The following DPYD variants were observed in gnomAD, a reference collection of about 807,000 sequenced individuals.
DPYD encodes dihydropyrimidine dehydrogenase, also known as dihydropyrimidine dehydrogenase [NADP(+)].
DPYD carries 109 observed loss-of-function variants against 116.2 expected under a neutral mutation model. That is an observed-to-expected ratio of 0.94 (90% CI 0.80 to 1.10). DPYD has a LOEUF of 1.10. Ranked by LOEUF, DPYD falls within the 50% of genes least tolerant of loss-of-function variation. The probability of loss-of-function intolerance (pLI) is 0.00; values close to 1 mark genes in which losing one functional copy is unlikely to be tolerated. For synonymous variants in DPYD, 440 were observed against 432.0 expected (o/e 1.02, Z -0.23); for missense variants, 1,302 against 1,254.5 (o/e 1.04, Z -0.57).
At chr1:97,361,930 C>T (rs913853516) in intron 16 of DPYD, among the ~76,000 whole-genome samples, 1 of 152,200 alleles carries the variant, frequency 6.6e-6, no homozygotes, top group Non-Finnish European at 1.5e-5. Flanking sequence ...TCCTATTACA[C>T]ATAGTGTTGG....
At chr1:97,555,483 C>T (rs545144166) in intron 11 of DPYD, among the ~76,000 whole-genome samples, 20 of 152,108 alleles carry the variant, frequency 1.3e-4, no homozygotes, top group Non-Finnish European at 1.9e-4. Flanking sequence ...TCCCCTGGGC[C>T]TTCCCACCTC....
intron 18 of DPYD, among the ~76,000 whole-genome samples, chr1:97,242,996 C>T (rs778618579): frequency 7.2e-5 from 11 of 151,738 alleles, no homozygotes; most frequent in Non-Finnish European, 1.0e-4. Flanking sequence ...TCAGCATACA[C>T]GATTGGTTTT....
intron 12 of DPYD, among the ~76,000 whole-genome samples, chr1:97,524,808 TCTC>T (rs1448661114): frequency 2.0e-5 from 3 of 152,210 alleles, no homozygotes; most frequent in Non-Finnish European, 4.4e-5. Flanking sequence ...AACTCAGACC[TCTC>T]CTCTGATTAG....
intron 2 of DPYD, among the ~76,000 whole-genome samples, chr1:97,847,168 T>C (rs900941967): frequency 6.6e-6 from 1 of 152,198 alleles, no homozygotes; most frequent in Non-Finnish European, 1.5e-5. Flanking sequence ...TTCCTCAAAA[T>C]AACTGTCTTT....
At chr1:97,808,387 T>G (rs757211570) in intron 3 of DPYD, among the ~76,000 whole-genome samples, 5 of 152,184 alleles carry the variant, frequency 3.3e-5, no homozygotes, top group Non-Finnish European at 7.3e-5. Context: ...TGATATTATC[T>G]TTTAAATTTC....
chr1:97,113,149 C>A (rs942969007), intron 20 of DPYD, among the ~76,000 whole-genome samples: 2 of 152,088 alleles, frequency 1.3e-5, no homozygotes, highest in African/African-American at 4.8e-5. Context: ...TGCATATACA[C>A]ACATATACAT....
intron 16 of DPYD, among the ~76,000 whole-genome samples, chr1:97,370,166 T>C (rs948876107): frequency 6.6e-6 from 1 of 152,140 alleles, no homozygotes; most frequent in African/African-American, 2.4e-5. Context: ...TCAAATGGTA[T>C]TTCTGGTTCT....
Position 97,323,822 on chromosome 1 carries a change from C to T in DPYD, c.2059-17525G>A, listed in dbSNP as rs114021442. ...TATATTTTGGCTGTCTGAAATTTGA[C>T]TTCCCTTCCTATTTGCAGGAAATTT... On this transcript the variant is annotated intron_variant, in intron 16 of 22. Transcript: ENST00000370192. Among the ~76,000 whole-genome samples, 1,153 of 151,392 alleles carry T rather than the reference C, an allele frequency of 7.6e-3. 17 individuals carry two copies. Among genetic ancestry groups the T allele is most frequent in the African/African-American group, 0.026 (1,078 of 41,280 alleles).
chr1:97,482,711 G>T (rs1436478322), intron 13 of DPYD, among the ~76,000 whole-genome samples: 2 of 152,108 alleles, frequency 1.3e-5, no homozygotes, highest in Non-Finnish European at 2.9e-5. Context: ...GTTGATTGTG[G>T]ATACTGAGAA....
At chr1:97,633,266 G>T (rs531110430) in intron 8 of DPYD, among the ~76,000 whole-genome samples, 1 of 151,976 alleles carries the variant, frequency 6.6e-6, no homozygotes. Flanking sequence ...TTTGGACCAC[G>T]AAATGAGACA....
chr1:97,850,011 T>C (rs1670495331), intron 2 of DPYD, among the ~76,000 whole-genome samples: 1 of 152,256 alleles, frequency 6.6e-6, no homozygotes, highest in Admixed American at 6.5e-5. Flanking sequence ...CATTATGGCA[T>C]GCTAATAATC....
At chr1:97,166,161 A>G (rs1244794106) in intron 20 of DPYD, among the ~76,000 whole-genome samples, 1 of 152,216 alleles carries the variant, frequency 6.6e-6, no homozygotes, top group Non-Finnish European at 1.5e-5. Context: ...ACTATTTACA[A>G]TAGCAAAGTC....
chr1:97,525,780 G>GAGAGAGAGAGAGAGAA (rs1649012977), intron 12 of DPYD, among the ~76,000 whole-genome samples: 2 of 150,702 alleles, frequency 1.3e-5, no homozygotes, highest in African/African-American at 2.4e-5. Context: ...GAGAGAGAGA[G>GAGAGAGAGAGAGAGAA]AGAGAGAGAG....
intron 4 of DPYD, among the ~76,000 whole-genome samples, chr1:97,727,484 T>G (rs1167269324): frequency 2.0e-5 from 3 of 151,558 alleles, no homozygotes; most frequent in Non-Finnish European, 3.0e-5. Flanking sequence ...AGAAACTAAC[T>G]AAGAAAAATA....
intron 14 of DPYD, among the ~76,000 whole-genome samples, chr1:97,446,180 T>C (rs1676077281): frequency 6.6e-6 from 1 of 152,136 alleles, no homozygotes; most frequent in African/African-American, 2.4e-5. Flanking sequence ...AAAATTTGAG[T>C]AGTTATTAGA....
At chr1:97,449,083 CAT>C (rs1676252090) in intron 14 of DPYD, among the ~76,000 whole-genome samples, 1 of 151,936 alleles carries the variant, frequency 6.6e-6, no homozygotes, top group Non-Finnish European at 1.5e-5. Context: ...GCAAGGCAAT[CAT>C]GTGATTTCTA....
At chr1:97,577,195 T>A (rs1653320446) in intron 10 of DPYD, among the ~76,000 whole-genome samples, 1 of 152,190 alleles carries the variant, frequency 6.6e-6, no homozygotes, top group African/African-American at 2.4e-5. Context: ...CAGTCACCCT[T>A]GACACACATA....
intron 13 of DPYD, among the ~76,000 whole-genome samples, chr1:97,483,212 T>C (rs760360346): frequency 6.6e-6 from 1 of 152,220 alleles, no homozygotes; most frequent in Admixed American, 6.5e-5. Context: ...GTATACTGCA[T>C]ACCTCTTAGC....
At chr1:97,225,788 C>A (rs751795443) in intron 19 of DPYD, among the ~76,000 whole-genome samples, 1 of 151,918 alleles carries the variant, frequency 6.6e-6, no homozygotes, top group Non-Finnish European at 1.5e-5. Flanking sequence ...CAATCATAGC[C>A]AAGGCCAATG....
Sources: gnomAD v4.1 joint callset for allele counts (sites outside exome capture counted in the v4.1 genomes callset) on GRCh38, gnomAD v4.1.1 for gene constraint, MANE v1.5 for transcripts, NCBI Gene and HGNC (gene_info 2026-07-23, HGNC 2026-07-21) for gene names.